ZNF106: variants seen among roughly 807,000 people sequenced by gnomAD.
ZNF106 encodes zinc finger protein 106.
Under a neutral mutation model 195.1 loss-of-function variants are expected in ZNF106, and 67 were observed. That is an observed-to-expected ratio of 0.34 (90% confidence interval 0.28 to 0.42). ZNF106 has a LOEUF of 0.42. Among genes scored for constraint, ZNF106 ranks in the 10% least tolerant of loss-of-function variants. The probability of loss-of-function intolerance (pLI) is 1.00; values close to 1 mark genes in which losing one functional copy is unlikely to be tolerated. For synonymous variants in ZNF106, 784 were observed against 818.6 expected (o/e 0.96, Z 0.72); for missense variants, 2,118 against 2,304.5 (o/e 0.92, Z 1.66).
At chr15:42,456,252 C>T (rs76347785) in intron 4 of ZNF106, among the ~76,000 whole-genome samples, 135 of 152,262 alleles carry the variant, frequency 8.9e-4, no homozygotes, top group African/African-American at 3.1e-3. Flanking sequence ...TTTGGCGATA[C>T]GACTATACTA....
At chr15:42,438,124 C>T (rs1356636947) in intron 12 of ZNF106, among the ~76,000 whole-genome samples, 9 of 151,948 alleles carry the variant, frequency 5.9e-5, no homozygotes, top group Non-Finnish European at 7.4e-5. Context: ...TGGTGGCTCA[C>T]GCCTGTAGTC....
In ZNF106 at chr15:42,450,962, A is replaced by T; in HGVS notation, c.1310T>A (p.Leu437His). 1 of 1,614,246 alleles carries T rather than the reference A, an allele frequency of 6.2e-7. No homozygotes were observed. The highest frequency in any genetic ancestry group is 8.5e-7 in the Non-Finnish European group (1 of 1,180,042). ...KTQKEIHTGS[L>H]NHKASSDSAA... ...GGAATCAGAAGAGGCCTTGTGATTA[A>T]GAGATCCAGTATGTATTTCTTTTTG... The change falls in exon 5 of 22, where the codon CTT (leucine) becomes CAT (histidine). Residue 437 changes from leucine (L) to histidine (H), a missense_variant. Transcript: ENST00000564754.
intron 12 of ZNF106, among the ~76,000 whole-genome samples, chr15:42,437,790 C>T (rs1171604995): frequency 6.6e-6 from 1 of 151,498 alleles, no homozygotes; most frequent in Non-Finnish European, 1.5e-5. Flanking sequence ...GCCTGTAGTC[C>T]CAGTTATTTG....
At chr15:42,479,125 G>A (rs532632404) in intron 1 of ZNF106, among the ~76,000 whole-genome samples, 1 of 152,240 alleles carries the variant, frequency 6.6e-6, no homozygotes, top group South Asian at 2.1e-4. Context: ...TATAATCCCA[G>A]TACTTTGGGA....
At chr15:42,464,264 C>T (rs762419073) in intron 3 of ZNF106, among the ~76,000 whole-genome samples, 41 of 147,004 alleles carry the variant, frequency 2.8e-4, no homozygotes, top group Non-Finnish European at 4.4e-4. Context: ...CGCTTGAACC[C>T]GGGAGGCGGA....
At chr15:42,429,840 A>C (rs561046280) in intron 14 of ZNF106, among the ~76,000 whole-genome samples, 22 of 152,170 alleles carry the variant, frequency 1.4e-4, no homozygotes, top group Non-Finnish European at 2.8e-4. Context: ...AATACAGATG[A>C]ATTTTCAAAC....
chr15:42,443,537 C>T (rs974314991), intron 9 of ZNF106, among the ~76,000 whole-genome samples: 1 of 151,550 alleles, frequency 6.6e-6, no homozygotes, highest in Non-Finnish European at 1.5e-5. Context: ...TAAATTTTTA[C>T]AATTTAAATC....
chr15:42,484,455 T>G (rs902746244), intron 1 of ZNF106, among the ~76,000 whole-genome samples: 1 of 152,194 alleles, frequency 6.6e-6, no homozygotes, highest in Non-Finnish European at 1.5e-5. Flanking sequence ...GCATGTGATA[T>G]TGTTGATAAA....
At position 42,440,905 on chromosome 15, in the gene ZNF106, C is replaced by A. The variant is rs183789724; in HGVS notation, c.3764-1092G>T. ...GGCTGAGACAGGACAATCACTTGAA[C>A]CTGGGAGGCAGAGGTTGCCGTGAGC... is the stretch of plus-strand genomic sequence containing the variant. On this transcript the variant is annotated intron_variant, in intron 10 of 21. Coordinates refer to ENST00000564754, the MANE Select transcript of ZNF106 (RefSeq NM_001366845.3). Among the ~76,000 whole-genome samples the A allele has an allele frequency of 4.3e-3, 621 of 145,026 alleles. 5 individuals are homozygous for A. The highest frequency in any genetic ancestry group is 0.015 in the African/African-American group (588 of 39,412).
intron 3 of ZNF106, among the ~76,000 whole-genome samples, chr15:42,461,798 C>A (rs958722912): frequency 1.3e-5 from 2 of 152,094 alleles, no homozygotes; most frequent in African/African-American, 4.8e-5. Flanking sequence ...AAAATGAAAT[C>A]CAGAGGAAAT....
rs575798302 is a variant in ZNF106 at position 42,451,616 on chromosome 15, T to A, written c.656A>T (p.His219Leu). 1 of 1,614,194 alleles carries A rather than the reference T, an allele frequency of 6.2e-7. No individual in the cohort carries two copies. Among genetic ancestry groups the A allele is most frequent in the Admixed American group, 1.7e-5 (1 of 60,014 alleles). The change falls in exon 5 of 22, where the codon CAT (histidine) becomes CTT (leucine). Residue 219 changes from histidine to leucine, a missense_variant. His to Leu is a moderately conservative substitution (Grantham distance 99, BLOSUM62 -3). Transcript: ENST00000564754. ...ACTGGAATTCCTTCCTGTACCATTA[T>A]GATTCCAATCTACTGCTCCACTATT... ...LSNSGAVDWN[H>L]NGTGRNSSWL...
At chr15:42,448,861 T>C (rs929491230) in intron 5 of ZNF106, among the ~76,000 whole-genome samples, 156 bp from the exon 6 acceptor site, 1 of 152,194 alleles carries the variant, frequency 6.6e-6, no homozygotes, top group Non-Finnish European at 1.5e-5. Flanking sequence ...GTGGTACAGA[T>C]ATAAATATAT....
intron 9 of ZNF106, among the ~76,000 whole-genome samples, chr15:42,443,736 AC>A (rs1451261612): frequency 1.3e-4 from 19 of 151,858 alleles, no homozygotes; most frequent in African/African-American, 4.1e-4. Flanking sequence ...TCTCAAAAAA[AC>A]AAAAAAAAAG....
intron 1 of ZNF106, among the ~76,000 whole-genome samples, chr15:42,480,253 T>A (rs2056871705): frequency 6.6e-6 from 1 of 152,234 alleles, no homozygotes; most frequent in Non-Finnish European, 1.5e-5. Context: ...ACAAGCATAG[T>A]TATAACTGTT....
At chr15:42,464,856 T>C (rs917109065) in intron 3 of ZNF106, among the ~76,000 whole-genome samples, 1 of 152,094 alleles carries the variant, frequency 6.6e-6, no homozygotes, top group African/African-American at 2.4e-5. Context: ...ACTGTTCTCA[T>C]GGTAGTGAAT....
intron 1 of ZNF106, among the ~76,000 whole-genome samples, chr15:42,479,154 A>G (rs1181895721): frequency 1.3e-5 from 2 of 152,056 alleles, no homozygotes; most frequent in Non-Finnish European, 2.9e-5. Flanking sequence ...TGGGTGGATC[A>G]CCTGAGGTCA....
chr15:42,424,982 G>C lies in ZNF106; in HGVS notation c.5042C>G (p.Ala1681Gly). The C allele has an allele frequency of 6.2e-7, 1 of 1,614,144 alleles. No individual in the cohort carries two copies. The highest frequency in any genetic ancestry group is 8.5e-7 in the Non-Finnish European group (1 of 1,180,030). Reference protein sequence around the residue: ...LEIFECHGPRAVSCLATAQEG... With the variant: ...LEIFECHGPRGVSCLATAQEG... ...CTGAGCTGTAGCAAGACAGCTGACT[G>C]CCCGAGGGCCATGGCATTCAAAGAT... Residue 1681 changes from alanine (A) to glycine (G), a missense_variant, in exon 16 of 22, where the codon GCA becomes GGA. Coordinates refer to ENST00000564754, the MANE Select transcript of ZNF106 (RefSeq NM_001366845.3).
intron 13 of ZNF106, among the ~76,000 whole-genome samples, chr15:42,436,728 T>C (rs2055286025): frequency 1.3e-5 from 2 of 152,220 alleles, no homozygotes; most frequent in Non-Finnish European, 2.9e-5. Flanking sequence ...TAACTTGAAC[T>C]CTGTAATCAA....
intron 4 of ZNF106, among the ~76,000 whole-genome samples, chr15:42,453,173 A>G (rs1368964701): frequency 6.6e-6 from 1 of 152,216 alleles, no homozygotes; most frequent in Non-Finnish European, 1.5e-5. Flanking sequence ...TGTTAGTGGT[A>G]TAAGAAGACT....
Sources: gnomAD v4.1 joint callset for allele counts (sites outside exome capture counted in the v4.1 genomes callset) on GRCh38, gnomAD v4.1.1 for gene constraint, MANE v1.5 for transcripts, NCBI Gene and HGNC (gene_info 2026-07-23, HGNC 2026-07-21) for gene names.